The following CTNNA3 variants were observed in gnomAD, a reference collection of about 807,000 sequenced individuals.
CTNNA3 encodes catenin alpha 3, also known as catenin alpha-3.
In CTNNA3, 76 loss-of-function variants were observed where a neutral mutation model predicts 95.7. The observed-to-expected ratio is 0.79, with a 90% confidence interval of 0.66 to 0.96. CTNNA3 has a LOEUF of 0.96. Among genes scored for constraint, CTNNA3 ranks in the 40% least tolerant of loss-of-function variants. The probability of loss-of-function intolerance (pLI) is 0.00; values close to 1 mark genes in which losing one functional copy is unlikely to be tolerated. For synonymous variants in CTNNA3, 431 were observed against 374.4 expected, an observed-to-expected ratio of 1.15 and a Z score of -1.74; for missense variants, 1,191 against 1,089.8, an observed-to-expected ratio of 1.09 and a Z score of -1.31.
At chr10:66,565,113 C>T (rs1280889666) in intron 10 of CTNNA3, among the ~76,000 whole-genome samples, 1 of 152,060 alleles carries the variant, frequency 6.6e-6, no homozygotes, top group Non-Finnish European at 1.5e-5. Context: ...ATACCAGGAG[C>T]TTCTTGGAGT....
Position 66,487,181 on chromosome 10 carries a change from A to ATTTTTTTT in CTNNA3, c.1531+33428_1531+33435dup, listed in dbSNP as rs60547696. On this transcript the variant is annotated intron_variant, in intron 11 of 17. Transcript: ENST00000433211. Reference sequence around the variant, plus strand: ...TACTTGAAATTTAATAAAAGGGCAGATTTTTTTTTTTTTTTTTTTTTTTTT... The same window carrying ATTTTTTTT: ...TACTTGAAATTTAATAAAAGGGCAGATTTTTTTTTTTTTTTTTTTTTTTTTTTTTTTTT... Among the ~76,000 whole-genome samples the ATTTTTTTT allele has an allele frequency of 7.8e-4, 36 of 45,986 alleles. 1 individual carries two copies. Among genetic ancestry groups the ATTTTTTTT allele is most frequent in the African/African-American group, 2.4e-3 (27 of 11,114 alleles). The allele number at this position is 45,986 out of a possible 152,430, so 30.2% of individuals were successfully genotyped here.
intron 15 of CTNNA3, among the ~76,000 whole-genome samples, chr10:66,009,126 C>T (rs892198472): frequency 9.2e-5 from 14 of 151,880 alleles, no homozygotes; most frequent in African/African-American, 3.1e-4. Flanking sequence ...CTGTACTTCA[C>T]GTAGTCTTCT....
intron 15 of CTNNA3, among the ~76,000 whole-genome samples, chr10:66,068,802 T>A (rs2133598580): frequency 6.6e-6 from 1 of 152,344 alleles, no homozygotes; most frequent in South Asian, 2.1e-4. Flanking sequence ...CAAACATTTT[T>A]ATTACTTCTG....
intron 15 of CTNNA3, among the ~76,000 whole-genome samples, chr10:65,991,073 ATG>A (rs2078535963): frequency 6.6e-6 from 1 of 151,960 alleles, no homozygotes; most frequent in Non-Finnish European, 1.5e-5. Context: ...TTGGTTATAA[ATG>A]TGTGGATTTA....
intron 10 of CTNNA3, among the ~76,000 whole-genome samples, chr10:66,613,541 C>G (rs1844402802): frequency 3.9e-5 from 6 of 151,972 alleles, no homozygotes; most frequent in Admixed American, 3.3e-4. Context: ...TAGCTGTGCT[C>G]ATAGCTGCAC....
intron 13 of CTNNA3, among the ~76,000 whole-genome samples, chr10:66,220,654 T>C (rs2088877034): frequency 6.6e-6 from 1 of 152,008 alleles, no homozygotes; most frequent in Non-Finnish European, 1.5e-5. Context: ...ATGTGGGGGA[T>C]TTTATTGCCG....
At chr10:65,993,034 G>A (rs1033858312) in intron 15 of CTNNA3, among the ~76,000 whole-genome samples, 10 of 151,884 alleles carry the variant, frequency 6.6e-5, no homozygotes, top group East Asian at 1.9e-4. Context: ...TAATTTCTAC[G>A]TATTTGTACA....
chr10:66,401,691 C>T (rs2093023305), intron 11 of CTNNA3, among the ~76,000 whole-genome samples: 1 of 130,844 alleles, frequency 7.6e-6, no homozygotes. Flanking sequence ...TGGAGTCTTG[C>T]ACTGTTACAC....
chr10:67,136,572 G>C (rs565280956), intron 7 of CTNNA3, among the ~76,000 whole-genome samples: 5 of 152,056 alleles, frequency 3.3e-5, no homozygotes, highest in East Asian at 1.9e-4. Flanking sequence ...GAGAGAGAGA[G>C]ACACAGAGAG....
chr10:67,044,116 G>A (rs1320652225), intron 7 of CTNNA3, among the ~76,000 whole-genome samples: 1 of 151,588 alleles, frequency 6.6e-6, no homozygotes, highest in South Asian at 2.1e-4. Flanking sequence ...CCAACTAGTC[G>A]CCAGTGTCTA....
chr10:66,008,490 G>T (rs2078941070), intron 15 of CTNNA3, among the ~76,000 whole-genome samples: 1 of 152,168 alleles, frequency 6.6e-6, no homozygotes, highest in Non-Finnish European at 1.5e-5. Flanking sequence ...TGAGCTTTTG[G>T]TGTCTTAAAT....
At chr10:67,372,669 A>G (rs572156397) in intron 5 of CTNNA3, among the ~76,000 whole-genome samples, 39 of 152,268 alleles carry the variant, frequency 2.6e-4, no homozygotes, top group Admixed American at 2.5e-3. Flanking sequence ...CAAGACACAT[A>G]ATTGTCAGAT....
At chr10:66,733,489 T>C (rs1357424536) in intron 9 of CTNNA3, among the ~76,000 whole-genome samples, 2 of 151,880 alleles carry the variant, frequency 1.3e-5, no homozygotes, top group Non-Finnish European at 2.9e-5. Context: ...TAAATATGTA[T>C]GTTTTTATTT....
chr10:66,119,135 A>C (rs943757220), intron 13 of CTNNA3, among the ~76,000 whole-genome samples: 1 of 152,190 alleles, frequency 6.6e-6, no homozygotes, highest in African/African-American at 2.4e-5. Flanking sequence ...TACATTCAGC[A>C]GGTATTCATG....
intron 13 of CTNNA3, among the ~76,000 whole-genome samples, chr10:66,160,371 A>T (rs2084778543): frequency 6.6e-6 from 1 of 151,940 alleles, no homozygotes; most frequent in African/African-American, 2.4e-5. Flanking sequence ...AGGTTTTGTT[A>T]GGTTGTGTCA....
chr10:66,413,711 G>C (rs1045605363), intron 11 of CTNNA3, among the ~76,000 whole-genome samples: 3 of 152,182 alleles, frequency 2.0e-5, no homozygotes, highest in African/African-American at 7.2e-5. Flanking sequence ...AGATTAAACA[G>C]CCATGTAAAT....
intron 5 of CTNNA3, among the ~76,000 whole-genome samples, chr10:67,439,003 C>T (rs545171757): frequency 6.6e-6 from 1 of 152,272 alleles, no homozygotes; most frequent in African/African-American, 2.4e-5. Flanking sequence ...GACTGAAATT[C>T]CTCCTACTGC....
intron 15 of CTNNA3, among the ~76,000 whole-genome samples, chr10:66,023,148 T>G (rs934717230): frequency 6.6e-6 from 1 of 152,220 alleles, no homozygotes; most frequent in East Asian, 1.9e-4. Flanking sequence ...TTGTACATAA[T>G]AAATGTTTTT....
intron 11 of CTNNA3, among the ~76,000 whole-genome samples, chr10:66,450,444 T>G (rs1434765506): frequency 6.6e-6 from 1 of 152,078 alleles, no homozygotes; most frequent in African/African-American, 2.4e-5. Context: ...ACTATACTGA[T>G]GTTAAGGGGT....
Sources: allele counts gnomAD v4.1 joint callset (sites outside exome capture counted in the v4.1 genomes callset), GRCh38; gene constraint gnomAD v4.1.1; transcripts MANE v1.5; gene names NCBI Gene and HGNC (gene_info 2026-07-23, HGNC 2026-07-21).